Variants in ADAMTS2 observed in about 807,000 individuals in gnomAD.
ADAMTS2 encodes A disintegrin and metalloproteinase with thrombospondin motifs 2.
In ADAMTS2, 50 loss-of-function variants were observed where a neutral mutation model predicts 123.0. The observed-to-expected ratio is 0.41, with a 90% CI of 0.32 to 0.51. The LOEUF is 0.51. Ranked by LOEUF, ADAMTS2 falls within the 20% of genes least tolerant of loss-of-function variation. ADAMTS2 has a pLI of 0.35. For synonymous variants in ADAMTS2, 678 were observed against 695.4 expected, an observed-to-expected ratio of 0.98 and a Z score of 0.39; for missense variants, 1,494 against 1,705.2, an observed-to-expected ratio of 0.88 and a Z score of 2.18.
intron 2 of ADAMTS2, among the ~76,000 whole-genome samples, chr5:179,336,427 TGACAAG>T (rs1757615695): frequency 6.6e-6 from 1 of 152,108 alleles, no homozygotes; most frequent in African/African-American, 2.4e-5. Context: ...CCGGGAGCCG[TGACAAG>T]CGACGGCCAG....
intron 10 of ADAMTS2, among the ~76,000 whole-genome samples, chr5:179,151,439 G>C (rs535540477): frequency 1.3e-5 from 2 of 152,234 alleles, no homozygotes; most frequent in African/African-American, 4.8e-5. Context: ...CCTAGGCCTG[G>C]CTGGGATGTG....
chr5:179,318,611 C>T (rs1324822556), intron 2 of ADAMTS2, among the ~76,000 whole-genome samples: 1 of 152,228 alleles, frequency 6.6e-6, no homozygotes, highest in South Asian at 2.1e-4. Flanking sequence ...TAGAAGACGA[C>T]AAGGGCCACT....
intron 2 of ADAMTS2, among the ~76,000 whole-genome samples, chr5:179,330,132 CAAAAA>C (rs58696442): frequency 2.1e-5 from 2 of 96,884 alleles, no homozygotes; most frequent in African/African-American, 4.0e-5. Flanking sequence ...GACTCCGTCT[CAAAAA>C]AAAAAAAAAA....
At chr5:179,273,212 C>G in intron 2 of ADAMTS2, 148 bp from the exon 3 acceptor site, 1 of 1,298,330 alleles carries the variant, frequency 7.7e-7, no homozygotes. Context: ...CTGGGCTGGC[C>G]GGAGGGTATG....
At chr5:179,275,434 C>T (rs1405106946) in intron 2 of ADAMTS2, among the ~76,000 whole-genome samples, 4 of 152,146 alleles carry the variant, frequency 2.6e-5, no homozygotes, top group Non-Finnish European at 5.9e-5. Context: ...ACCCAGGCCC[C>T]CATCCCTGGC....
At chr5:179,284,388 A>C (rs1755948705) in intron 2 of ADAMTS2, among the ~76,000 whole-genome samples, 1 of 151,998 alleles carries the variant, frequency 6.6e-6, no homozygotes, top group Admixed American at 6.6e-5. Context: ...GATTATTATT[A>C]TTATTATTTT....
intron 2 of ADAMTS2, among the ~76,000 whole-genome samples, chr5:179,306,262 T>G (rs574282312): frequency 3.9e-5 from 6 of 151,950 alleles, no homozygotes; most frequent in African/African-American, 9.7e-5. Context: ...AACAGCAGAG[T>G]GCACAACAGA....
chr5:179,135,057 TC>T (rs1271956187), intron 13 of ADAMTS2, among the ~76,000 whole-genome samples: 1 of 12,370 alleles, frequency 8.1e-5, no homozygotes. Flanking sequence ...CGGCTCCAGC[TC>T]CCAGCTCCCG....
At chr5:179,280,910 T>G (rs1561681209) in intron 2 of ADAMTS2, among the ~76,000 whole-genome samples, 2 of 152,106 alleles carry the variant, frequency 1.3e-5, no homozygotes, top group African/African-American at 2.4e-5. Flanking sequence ...CAGGCTGGAG[T>G]GCAGTGGCGC....
chr5:179,342,510 C>G (rs1757804592), intron 2 of ADAMTS2, among the ~76,000 whole-genome samples: 1 of 152,252 alleles, frequency 6.6e-6, no homozygotes, highest in African/African-American at 2.4e-5. Flanking sequence ...TTTTCTGTGT[C>G]TCCATAAAAA....
chr5:179,299,303 G>A (rs1452920485), intron 2 of ADAMTS2, among the ~76,000 whole-genome samples: 1 of 124,820 alleles, frequency 8.0e-6, no homozygotes, highest in Non-Finnish European at 1.7e-5. Flanking sequence ...GCTGAGGCGG[G>A]CGGATCACGA....
intron 3 of ADAMTS2, among the ~76,000 whole-genome samples, chr5:179,227,268 G>A (rs550758215): frequency 6.6e-4 from 100 of 152,328 alleles, no homozygotes; most frequent in African/African-American, 2.2e-3. Context: ...CATTTCATAT[G>A]GCTGCAATCC....
chr5:179,166,442 C>T (rs1763699237), intron 5 of ADAMTS2, among the ~76,000 whole-genome samples: 1 of 152,198 alleles, frequency 6.6e-6, no homozygotes, highest in Non-Finnish European at 1.5e-5. Flanking sequence ...GGTCACTTTG[C>T]TGAATGCTCC....
At chr5:179,207,898 A>G (rs1764743755) in intron 3 of ADAMTS2, among the ~76,000 whole-genome samples, 183 bp from the exon 4 acceptor site, 1 of 152,220 alleles carries the variant, frequency 6.6e-6, no homozygotes, top group Non-Finnish European at 1.5e-5. Flanking sequence ...AAGCTGTCTC[A>G]GACACAGCAG....
In ADAMTS2 at chr5:179,345,238, G is replaced by A; in HGVS notation, c.91C>T (p.Pro31Ser). 8.7e-7 allele frequency: 1 copy of A among 1,145,588 alleles called. No homozygotes were observed. The highest frequency in any genetic ancestry group is 1.1e-6 in the Non-Finnish European group (1 of 938,986). 71.0% of individuals were successfully genotyped at this position (1,145,588 alleles called of 1,614,324 possible). ...LLLPPPLLPP[P>S]PPPANARLAA... ...AGCCTGGCGTTCGCGGGCGGCGGCG[G>A]CGGCGGCAGGAGCGGCGGCGGCAGC... The change falls in exon 1 of 22, where the codon CCG becomes TCG. Residue 31 changes from proline to serine, a missense_variant. By Grantham distance (74) the Pro-to-Ser change is moderately conservative. Transcript: ENST00000251582. This position sits in a 1 kb window ranked among gnomAD's most constrained non-coding sequence, Gnocchi z 7.5.
In ADAMTS2 at chr5:179,170,289, G is replaced by A. The variant is rs1391206451; in HGVS notation, c.975+10783C>T. ...ATGGGGGAGCGGCAGGTGGGGAGCT[G>A]GTCTATTTCTGTCACAATTTGGGAT... On this transcript the variant is annotated intron_variant, in intron 5 of 21. Transcript: ENST00000251582. The surrounding 1 kb of genome is among the most constrained non-coding windows in gnomAD (Gnocchi z 4.3). 6.6e-6 allele frequency among the ~76,000 whole-genome samples: 1 copy of A among 152,232 alleles called. No individual in the cohort carries two copies. The highest frequency in any genetic ancestry group is 1.9e-4 in the East Asian group (1 of 5,166).
At chr5:179,273,510 T>C (rs191762716) in intron 2 of ADAMTS2, among the ~76,000 whole-genome samples, 6 of 152,158 alleles carry the variant, frequency 3.9e-5, no homozygotes, top group Non-Finnish European at 7.4e-5. Flanking sequence ...CAGCCGGGGA[T>C]TGAATCTGCC....
intron 2 of ADAMTS2, among the ~76,000 whole-genome samples, chr5:179,287,869 A>G (rs528818645): frequency 3.9e-5 from 6 of 152,254 alleles, no homozygotes; most frequent in Non-Finnish European, 8.8e-5. Flanking sequence ...AGGGGCAGAC[A>G]GGAACTCCCA....
chr5:179,281,797 C>T (rs1048989867), intron 2 of ADAMTS2, among the ~76,000 whole-genome samples: 4 of 152,200 alleles, frequency 2.6e-5, no homozygotes, highest in Admixed American at 6.5e-5. Flanking sequence ...AATTTCCCCT[C>T]ATCCCCACCA....
Sources: gnomAD v4.1 joint callset for allele counts (sites outside exome capture counted in the v4.1 genomes callset) on GRCh38, gnomAD v4.1.1 for gene constraint, Gnocchi (gnomAD v3.1) non-coding constraint, MANE v1.5 for transcripts, NCBI Gene and HGNC (gene_info 2026-07-23, HGNC 2026-07-21) for gene names.